The following PHACTR1 variants were observed in gnomAD, a reference collection of about 807,000 sequenced individuals.
The protein encoded by PHACTR1 is phosphatase and actin regulator 1, also known as RPEL repeat containing 1.
A neutral mutation model predicts 69.2 loss-of-function variants in PHACTR1; 16 were observed. That is an observed-to-expected ratio of 0.23 (90% CI 0.16 to 0.35). The LOEUF is 0.35. PHACTR1 is among the 10% of genes least tolerant of loss of function. The pLI is 1.00. For missense variants in PHACTR1, 510 were observed against 734.7 expected (o/e 0.69, Z 3.54); for synonymous variants, 312 against 284.5 (o/e 1.10, Z -0.97).
chr6:12,766,016 T>A (rs1410083389), intron 4 of PHACTR1, among the ~76,000 whole-genome samples: 3 of 152,206 alleles, frequency 2.0e-5, no homozygotes, highest in African/African-American at 7.2e-5. Context: ...CTGACCATAG[T>A]GTGTTTCTCC....
chr6:13,160,177 G>C lies in PHACTR1; in HGVS notation c.416-27G>C, dbSNP rs1160233089. 4 of 1,598,352 alleles carry C rather than the reference G, an allele frequency of 2.5e-6. No individual in the cohort carries two copies. The Admixed American group carries it at 6.7e-5, about 27-fold the overall frequency. ...ACAACTTTGTTACCTACTCACATCTGCCTCCCTGTTTGTCTTTTGTTTGTA... is the reference window on the plus strand; with the variant it reads ...ACAACTTTGTTACCTACTCACATCTCCCTCCCTGTTTGTCTTTTGTTTGTA... On this transcript the variant is annotated intron_variant, in intron 5 of 14. Coordinates refer to ENST00000332995, the MANE Select transcript of PHACTR1 (RefSeq NM_030948.6).
At chr6:12,829,819 G>A (rs1777216087) in intron 4 of PHACTR1, among the ~76,000 whole-genome samples, 1 of 151,104 alleles carries the variant, frequency 6.6e-6, no homozygotes, top group African/African-American at 2.4e-5. Flanking sequence ...AAAGCCAGGT[G>A]TGGTGACTGG....
chr6:12,884,386 A>C (rs1783420845), intron 4 of PHACTR1, among the ~76,000 whole-genome samples: 1 of 151,838 alleles, frequency 6.6e-6, no homozygotes. Context: ...AGACAAGTAC[A>C]TAATTGGTTT....
At chr6:12,939,529 C>A (rs557201475) in intron 4 of PHACTR1, among the ~76,000 whole-genome samples, 70 of 152,182 alleles carry the variant, frequency 4.6e-4, no homozygotes, top group African/African-American at 1.5e-3. Flanking sequence ...AGTCAAAATC[C>A]CAGCCAAGTC....
At chr6:12,982,638 G>C (rs1582819775) in intron 4 of PHACTR1, among the ~76,000 whole-genome samples, 1 of 152,144 alleles carries the variant, frequency 6.6e-6, no homozygotes, top group Admixed American at 6.5e-5. Flanking sequence ...GGGTGACAGA[G>C]CAAGACTCCA....
intron 4 of PHACTR1, among the ~76,000 whole-genome samples, chr6:13,008,212 A>G (rs1434565119): frequency 6.6e-6 from 1 of 152,218 alleles, no homozygotes; most frequent in Non-Finnish European, 1.5e-5. Context: ...AGGCTTCAAA[A>G]CACAGTTGGC....
chr6:12,995,435 C>T (rs1797313756), intron 4 of PHACTR1, among the ~76,000 whole-genome samples: 1 of 151,842 alleles, frequency 6.6e-6, no homozygotes, highest in Non-Finnish European at 1.5e-5. Flanking sequence ...AAACATGATG[C>T]ACCAATGAAA....
chr6:12,981,020 A>T (rs1004712588), intron 4 of PHACTR1, among the ~76,000 whole-genome samples: 1 of 152,338 alleles, frequency 6.6e-6, no homozygotes, highest in South Asian at 2.1e-4. Flanking sequence ...TTCCCTCAGG[A>T]TAACTGGTGG....
chr6:12,965,535 G>A (rs957144163), intron 4 of PHACTR1, among the ~76,000 whole-genome samples: 1 of 150,864 alleles, frequency 6.6e-6, no homozygotes, highest in Non-Finnish European at 1.5e-5. Flanking sequence ...GCTGAAGTGC[G>A]ATGCAGTGCT....
chr6:13,003,963 A>ATATATATATATATATATATG (rs890144098), intron 4 of PHACTR1, among the ~76,000 whole-genome samples: 1 of 90,270 alleles, frequency 1.1e-5, no homozygotes, highest in South Asian at 3.8e-4. Context: ...ATATATATAT[A>ATATATATATATATATATATG]TGTATATATA....
chr6:12,883,202 A>G (rs1441253238), intron 4 of PHACTR1, among the ~76,000 whole-genome samples: 1 of 152,014 alleles, frequency 6.6e-6, no homozygotes, highest in Non-Finnish European at 1.5e-5. Context: ...CAAAACAAGA[A>G]TGTCAGGCTT....
intron 4 of PHACTR1, among the ~76,000 whole-genome samples, chr6:13,016,611 C>T (rs1582978626): frequency 6.7e-6 from 1 of 149,592 alleles, no homozygotes; most frequent in Admixed American, 6.7e-5. Context: ...TACATTTTAG[C>T]AATTATCTTT....
chr6:13,173,619 G>A (rs1391967899), intron 6 of PHACTR1, among the ~76,000 whole-genome samples: 1 of 152,070 alleles, frequency 6.6e-6, no homozygotes, highest in Non-Finnish European at 1.5e-5. Flanking sequence ...ACTGACTATC[G>A]GGGCAACTGG....
intron 10 of PHACTR1, among the ~76,000 whole-genome samples, chr6:13,270,282 C>T (rs1440248352): frequency 6.6e-6 from 1 of 152,202 alleles, no homozygotes; most frequent in East Asian, 1.9e-4. Context: ...CTTCTGTGCA[C>T]TCTCTGGGTG....
intron 5 of PHACTR1, among the ~76,000 whole-genome samples, chr6:13,156,221 A>G (rs1474582530): frequency 6.6e-6 from 1 of 152,162 alleles, no homozygotes. Flanking sequence ...TAAGTTAAGT[A>G]ACAATTTTTC....
chr6:13,224,493 C>G (rs1044586365), intron 8 of PHACTR1, among the ~76,000 whole-genome samples: 1 of 152,082 alleles, frequency 6.6e-6, no homozygotes, highest in Admixed American at 6.5e-5. Flanking sequence ...GTGGCAGGCA[C>G]GTGACATTAT....
chr6:12,790,916 A>T (rs1772190667), intron 4 of PHACTR1, among the ~76,000 whole-genome samples: 1 of 152,206 alleles, frequency 6.6e-6, no homozygotes, highest in East Asian at 1.9e-4. Context: ...AGATTGGATC[A>T]AATGGGGGAA....
intron 4 of PHACTR1, among the ~76,000 whole-genome samples, chr6:12,753,916 A>G (rs901224677): frequency 2.0e-5 from 3 of 150,722 alleles, no homozygotes; most frequent in African/African-American, 2.4e-5. Flanking sequence ...TCACTTAGCA[A>G]TGAGAACTGT....
At position 12,856,967 on chromosome 6, in the gene PHACTR1, C is replaced by T. The variant is rs772929230; in HGVS notation, c.250+107177C>T. The stretch of plus-strand genomic sequence containing the variant: ...CCTCAGCCCTTGAAAATTGAGGCTT[C>T]GGTCATTTCCATTCTCTTTTGAAAC... On this transcript the variant is annotated intron_variant, in intron 4 of 14. Coordinates refer to ENST00000332995, the MANE Select transcript of PHACTR1 (RefSeq NM_030948.6). Among the ~76,000 whole-genome samples the T allele has an allele frequency of 5.5e-4, 84 of 152,286 alleles. 1 individual carries two copies. Among genetic ancestry groups the T allele is most frequent in the Non-Finnish European group, 8.8e-5 (6 of 68,026 alleles).
Sources: allele counts gnomAD v4.1 joint callset (sites outside exome capture counted in the v4.1 genomes callset), GRCh38; gene constraint gnomAD v4.1.1; transcripts MANE v1.5; gene names NCBI Gene and HGNC (gene_info 2026-07-23, HGNC 2026-07-21).